SPATS2: variants seen among roughly 807,000 people sequenced by gnomAD.
The protein encoded by SPATS2 is spermatogenesis-associated serine-rich protein 2.
Under a neutral mutation model 63.7 loss-of-function variants are expected in SPATS2, and 38 were observed. The observed-to-expected ratio is 0.60, with a 90% CI of 0.46 to 0.78. SPATS2 has a LOEUF of 0.78. SPATS2 is among the 30% of genes least tolerant of loss of function. SPATS2 has a pLI of 0.00. For missense variants in SPATS2, 588 were observed against 666.2 expected (o/e 0.88, Z 1.29); for synonymous variants, 207 against 232.9 (o/e 0.89, Z 1.01).
chr12:49,436,620 C>A (rs1243308138), intron 2 of SPATS2, among the ~76,000 whole-genome samples: 1 of 133,030 alleles, frequency 7.5e-6, no homozygotes, highest in Non-Finnish European at 1.7e-5. Context: ...ACCCCCCCAC[C>A]TCCCTCCCGG....
At chr12:49,476,477 C>G (rs1433905231) in intron 3 of SPATS2, among the ~76,000 whole-genome samples, 1 of 152,162 alleles carries the variant, frequency 6.6e-6, no homozygotes, top group African/African-American at 2.4e-5. Flanking sequence ...ACAGAAATCC[C>G]TCTGTCCCTG....
chr12:49,398,490 G>A (rs1426708104), intron 2 of SPATS2, among the ~76,000 whole-genome samples: 4 of 152,090 alleles, frequency 2.6e-5, no homozygotes, highest in African/African-American at 7.2e-5. Flanking sequence ...TAGGTTAGGC[G>A]GGATTGTATT....
intron 2 of SPATS2, among the ~76,000 whole-genome samples, chr12:49,373,091 G>C (rs567783824): frequency 2.0e-5 from 3 of 151,952 alleles, no homozygotes; most frequent in Non-Finnish European, 4.4e-5. Flanking sequence ...TCCTTCGTCA[G>C]CCTCCTGAGT....
intron 2 of SPATS2, among the ~76,000 whole-genome samples, chr12:49,425,428 T>G (rs764395023): frequency 2.0e-5 from 3 of 152,204 alleles, no homozygotes; most frequent in Non-Finnish European, 2.9e-5. Flanking sequence ...CAGGTGATCC[T>G]CCTACCTTAG....
intron 2 of SPATS2, among the ~76,000 whole-genome samples, chr12:49,371,776 T>C (rs930703695): frequency 6.6e-6 from 1 of 151,862 alleles, no homozygotes; most frequent in East Asian, 1.9e-4. Flanking sequence ...CTACACACGT[T>C]TAAACAACTA....
intron 9 of SPATS2, among the ~76,000 whole-genome samples, chr12:49,509,224 T>C (rs996812546): frequency 2.0e-5 from 3 of 151,662 alleles, no homozygotes; most frequent in African/African-American, 7.3e-5. Context: ...GGTTACTCCA[T>C]TGAAAGCCTG....
intron 2 of SPATS2, among the ~76,000 whole-genome samples, chr12:49,444,849 C>T (rs527499348): frequency 6.6e-5 from 10 of 150,988 alleles, no homozygotes; most frequent in South Asian, 6.3e-4. Context: ...GGTGATCCAC[C>T]GGCCTCAGCC....
intron 2 of SPATS2, among the ~76,000 whole-genome samples, chr12:49,397,711 T>C (rs1944535034): frequency 6.6e-6 from 1 of 151,424 alleles, no homozygotes; most frequent in African/African-American, 2.4e-5. Flanking sequence ...ATGCCTGTAG[T>C]GTTAACTACG....
chr12:49,403,140 T>C (rs1944635513), intron 2 of SPATS2, among the ~76,000 whole-genome samples: 2 of 152,150 alleles, frequency 1.3e-5, no homozygotes, highest in Admixed American at 1.3e-4. Flanking sequence ...ACATTAGTCC[T>C]GATGTCTCAA....
intron 2 of SPATS2, among the ~76,000 whole-genome samples, chr12:49,416,105 A>C (rs1944884464): frequency 6.6e-6 from 1 of 151,864 alleles, no homozygotes; most frequent in Non-Finnish European, 1.5e-5. Flanking sequence ...TGTGTAACAC[A>C]CATCCCAAAT....
intron 2 of SPATS2, among the ~76,000 whole-genome samples, chr12:49,434,788 G>A (rs151122910): frequency 3.9e-5 from 6 of 152,118 alleles, no homozygotes; most frequent in African/African-American, 9.6e-5. Context: ...AGCTCAGTGG[G>A]TACTAATCCC....
chr12:49,389,500 G>C lies in SPATS2; in HGVS notation c.-244+18210G>C. 3 of 867,336 alleles carry C rather than the reference G, an allele frequency of 3.5e-6. No homozygotes were observed. The South Asian group carries it at 4.0e-5, about 12-fold the overall frequency. 53.7% of individuals were successfully genotyped at this position (867,336 alleles called of 1,614,324 possible). On this transcript the variant is annotated intron_variant, in intron 2 of 13. Coordinates refer to ENST00000552918, the MANE Select transcript of SPATS2 (RefSeq NM_023071.4). ...TGACGGCTGCGAGGGACTAAGAGCA[G>C]GATATATCTTTAGAAATGAGTTGCA...
At chr12:49,519,349 AGTT>A (rs1204157436) in intron 11 of SPATS2, among the ~76,000 whole-genome samples, 167 bp downstream of exon 11, 2 of 152,166 alleles carry the variant, frequency 1.3e-5, no homozygotes, top group Non-Finnish European at 2.9e-5. Flanking sequence ...TCATCTACCC[AGTT>A]GTCCCAGCTG....
chr12:49,436,392 T>C (rs1265264242), intron 2 of SPATS2, among the ~76,000 whole-genome samples: 30 of 102,794 alleles, frequency 2.9e-4, no homozygotes, highest in South Asian at 7.5e-4. Flanking sequence ...GCTGGCCGGG[T>C]TGGGGGCTGA....
chr12:49,525,941 T>C lies in SPATS2; in HGVS notation c.1327-3T>C. On this transcript the variant is annotated splice_region_variant and splice_polypyrimidine_tract_variant and intron_variant, in intron 13 of 13. Coordinates refer to ENST00000552918, the MANE Select transcript of SPATS2 (RefSeq NM_023071.4). ...CTTGAACATTGTATTCTTTCATCTTTAGGTATTGCCAGGGAACAGACGAGG... is the reference window on the plus strand; with the variant it reads ...CTTGAACATTGTATTCTTTCATCTTCAGGTATTGCCAGGGAACAGACGAGG... 6.2e-7 allele frequency: 1 copy of C among 1,612,200 alleles called. No individual in the cohort carries two copies. The highest frequency in any genetic ancestry group is 1.1e-5 in the South Asian group (1 of 90,898).
chr12:49,424,000 T>A lies in SPATS2; in HGVS notation c.-243-36770T>A, dbSNP rs140696823. 3.3e-3 allele frequency among the ~76,000 whole-genome samples: 502 copies of A among 152,220 alleles called. 10 individuals carry two copies. The highest frequency in any genetic ancestry group is 0.03 in the Admixed American group (452 of 15,294). On this transcript the variant is annotated intron_variant, in intron 2 of 13. Transcript: ENST00000552918. ...GGCAAATCACTTGAGGTTAGGAGTTTGAGACCAGCCTGGCCAACATGGCGA... is the reference window on the plus strand; with the variant it reads ...GGCAAATCACTTGAGGTTAGGAGTTAGAGACCAGCCTGGCCAACATGGCGA...
At chr12:49,422,931 T>C (rs1244163151) in intron 2 of SPATS2, among the ~76,000 whole-genome samples, 1 of 152,012 alleles carries the variant, frequency 6.6e-6, no homozygotes, top group Non-Finnish European at 1.5e-5. Flanking sequence ...AAAAATTTTT[T>C]TAATTGACTG....
At chr12:49,524,097 T>C (rs1337289585) in intron 12 of SPATS2, among the ~76,000 whole-genome samples, 1 of 152,202 alleles carries the variant, frequency 6.6e-6, no homozygotes, top group African/African-American at 2.4e-5. Context: ...TAATATTTTT[T>C]TCAGTTAGAT....
intron 2 of SPATS2, among the ~76,000 whole-genome samples, chr12:49,414,368 A>G (rs1334946223): frequency 7.9e-5 from 12 of 152,162 alleles, no homozygotes; most frequent in Non-Finnish European, 1.5e-4. Context: ...ACCACCTTAA[A>G]TGTCTTTGAC....
Sources: allele counts gnomAD v4.1 joint callset (sites outside exome capture counted in the v4.1 genomes callset), GRCh38; gene constraint gnomAD v4.1.1; transcripts MANE v1.5; gene names NCBI Gene and HGNC (gene_info 2026-07-23, HGNC 2026-07-21).